C5orf34: variants seen among roughly 807,000 people sequenced by gnomAD.
C5orf34 encodes uncharacterized protein C5orf34.
Under a neutral mutation model 78.4 loss-of-function variants are expected in C5orf34, and 73 were observed. The observed-to-expected ratio is 0.93, with a 90% CI of 0.77 to 1.13. The LOEUF (loss-of-function observed/expected upper bound fraction) is 1.13. Ranked by LOEUF, C5orf34 falls within the 50% of genes most tolerant of loss-of-function variation. C5orf34 has a pLI of 0.00. For missense variants in C5orf34, 730 were observed against 732.7 expected (o/e 1.00, Z 0.04); for synonymous variants, 251 against 246.6 (o/e 1.02, Z -0.17).
rs892927523 is a variant in C5orf34, at chr5:43,493,763, A to G, written c.1245-151T>C. 1.8e-5 allele frequency: 10 copies of G among 551,398 alleles called. No homozygotes were observed. The East Asian group carries it at 1.9e-4, about 11-fold the overall frequency. 34.2% of individuals were successfully genotyped at this position (551,398 alleles called of 1,614,324 possible). On this transcript the variant is annotated intron_variant, in intron 7 of 12. Coordinates refer to ENST00000306862, the MANE Select transcript of C5orf34 (RefSeq NM_198566.4). ...ACTCTTTTTTTCTCCAGAAATCCTT[A>G]AGCCCCTAGAAGGGAAATACTGTTG...
At chr5:43,501,184 C>A (rs1466281978) in intron 6 of C5orf34, among the ~76,000 whole-genome samples, 3 of 152,228 alleles carry the variant, frequency 2.0e-5, no homozygotes, top group African/African-American at 7.2e-5. Flanking sequence ...ATTTTGCACA[C>A]CCTCTGATAT....
In C5orf34 at chr5:43,486,904, A is replaced by G. The variant is rs368191439; in HGVS notation, c.*11T>C. ...TTAAACTTTAATAATATGTTGTAAT[A>G]ATTCCATTTTTCACTTTTTAGAGTT... On this transcript the variant is annotated 3_prime_UTR_variant, in exon 13 of 13. Transcript: ENST00000306862. 4.1e-6 allele frequency: 6 copies of G among 1,470,892 alleles called. No homozygotes were observed. Among genetic ancestry groups the G allele is most frequent in the African/African-American group, 1.4e-5 (1 of 69,152 alleles). The allele number at this position is 1,470,892 out of a possible 1,614,324, so 91.1% of individuals were successfully genotyped here.
At chr5:43,496,571 AGTT>A (rs1235150652) in intron 6 of C5orf34, 1 of 741,744 alleles carries the variant, frequency 1.3e-6, no homozygotes, top group Non-Finnish European at 1.9e-6. Flanking sequence ...TTCATTCAAA[AGTT>A]TTTTTTAATT....
At position 43,505,861 on chromosome 5, in the gene C5orf34, T is replaced by C. The variant is rs1278788187; in HGVS notation, c.819A>G (p.Ala273=). 1 of 1,613,888 alleles carries C rather than the reference T, an allele frequency of 6.2e-7. No individual in the cohort carries two copies. Among genetic ancestry groups the C allele is most frequent in the Non-Finnish European group, 8.5e-7 (1 of 1,179,808 alleles). ...TTAAAAATCTACTCTGAGTTATATG[T>C]GCATCAATTTTAGACATATTGCTGA... ...NKISNMSKID[A]HITQSRFLTS... is the part of the protein sequence containing the mutation. Residue 273 remains alanine, a synonymous_variant, in exon 4 of 13, where the codon GCA becomes GCG. Transcript: ENST00000306862.
chr5:43,510,809 C>T (rs556064320), intron 1 of C5orf34, among the ~76,000 whole-genome samples: 4 of 152,340 alleles, frequency 2.6e-5, no homozygotes, highest in South Asian at 4.1e-4. Context: ...ACCTCCCAGC[C>T]GCCTGCCTTG....
intron 7 of C5orf34, among the ~76,000 whole-genome samples, chr5:43,493,945 T>C (rs1191200893): frequency 1.3e-5 from 2 of 152,172 alleles, no homozygotes; most frequent in Non-Finnish European, 1.5e-5. Flanking sequence ...GGTAGGGATG[T>C]GAATCAACTA....
chr5:43,496,026 C>A, intron 6 of C5orf34: 1 of 1,591,806 alleles, frequency 6.3e-7, no homozygotes, highest in Non-Finnish European at 8.5e-7. Context: ...AGTTGTTTCA[C>A]ACCCAGTGTG....
chr5:43,505,969 C>A lies in C5orf34; in HGVS notation c.711G>T (p.Trp237Cys), dbSNP rs1443522318. The A allele has an allele frequency of 8.1e-6, 13 of 1,614,036 alleles. No individual in the cohort carries two copies. Among genetic ancestry groups the A allele is most frequent in the Non-Finnish European group, 6.8e-6 (8 of 1,179,930 alleles). Residue 237 changes from tryptophan to cysteine, a missense_variant, in exon 4 of 13, where the codon TGG (tryptophan) becomes TGT (cysteine). Trp to Cys is a radical substitution (Grantham distance 215, BLOSUM62 -2). Transcript: ENST00000306862. ...CAGCCACAGACCAGCACTGCTTGAC[C>A]CATGTGTATACACATGTGTGCTTTG... ...PGTKHTCVYT[W>C]VKQCWSVAAC...
chr5:43,504,747 G>A (rs1316454200), intron 4 of C5orf34, among the ~76,000 whole-genome samples: 2 of 152,216 alleles, frequency 1.3e-5, no homozygotes, highest in Non-Finnish European at 2.9e-5. Context: ...GACCTGGTAA[G>A]CTATGTGAAG....
Position 43,506,320 on chromosome 5 carries a change from ACT to A in C5orf34, c.358_359del (p.Ser120TrpfsTer22). ...DTDGTMIYME[S>X]GIVKITSLDG... ...CTAAAGATGTTATCTTCACAATGCC[ACT>A]CTCCATATATATCATGGTACCATCT... On this transcript the variant is annotated frameshift_variant, in exon 4 of 13. Coordinates refer to ENST00000306862, the MANE Select transcript of C5orf34 (RefSeq NM_198566.4). LOFTEE classifies it high-confidence loss of function. The A allele has an allele frequency of 6.2e-7, 1 of 1,613,988 alleles. No individual in the cohort carries two copies. The highest frequency in any genetic ancestry group is 8.5e-7 in the Non-Finnish European group (1 of 1,179,998).
At position 43,492,876 on chromosome 5, in the gene C5orf34, A is replaced by G. The variant is rs10039298; in HGVS notation, c.1329T>C (p.Asn443=). Residue 443 remains asparagine (N), a synonymous_variant, in exon 9 of 13, where the codon AAT becomes AAC. Transcript: ENST00000306862. ...AAACCAAAGGCAGTATATTGCTATC[A>G]TTTATCCCAGGTACCTAAAACCAAG... ...ICCWKMVPGI[N]DSNILPLVLK... is the part of the protein sequence containing the mutation. 1,490 of 1,596,088 alleles carry G rather than the reference A, an allele frequency of 9.3e-4. 21 individuals carry two copies. In the African/African-American group the frequency reaches 0.018, roughly 19 times the overall value.
chr5:43,510,586 G>A (rs556099497), intron 1 of C5orf34, among the ~76,000 whole-genome samples: 1,865 of 152,192 alleles, frequency 0.012, 47 homozygotes, highest in African/African-American at 0.043. Context: ...GATTGCAGGC[G>A]CGCGCTGCCA....
chr5:43,508,994 T>A, intron 2 of C5orf34, 151 bp downstream of exon 2: 2 of 642,580 alleles, frequency 3.1e-6, no homozygotes, highest in Non-Finnish European at 2.7e-6. Context: ...AACTCCCTTG[T>A]AAAAGGAGGC....
chr5:43,507,550 C>T (rs546527592), intron 3 of C5orf34, among the ~76,000 whole-genome samples: 3 of 152,192 alleles, frequency 2.0e-5, no homozygotes, highest in African/African-American at 4.8e-5. Context: ...GGAAAATTAC[C>T]ATTCTAGGCT....
intron 6 of C5orf34, 85 bp downstream of exon 6, chr5:43,502,287 A>T (rs1745789355): frequency 7.2e-7 from 1 of 1,398,074 alleles, no homozygotes; most frequent in Non-Finnish European, 1.0e-6. Context: ...TTATATAATG[A>T]CCAAATTTCC....
chr5:43,501,901 T>C (rs987331767), intron 6 of C5orf34, among the ~76,000 whole-genome samples: 2 of 152,172 alleles, frequency 1.3e-5, no homozygotes, highest in Admixed American at 6.5e-5. Context: ...TATGGGCTGG[T>C]AATTATACCA....
At chr5:43,509,415 T>C in intron 1 of C5orf34, 40 bp from the exon 2 acceptor site, 1 of 1,199,970 alleles carries the variant, frequency 8.3e-7, no homozygotes, top group Non-Finnish European at 1.1e-6. Context: ...AATAGTTCTC[T>C]TAATGTACAA....
At chr5:43,514,702 G>T (rs935555084) in intron 1 of C5orf34, 104 bp downstream of exon 1, 1 of 152,132 alleles carries the variant, frequency 6.6e-6, no homozygotes, top group Non-Finnish European at 1.5e-5. Context: ...AAATCCACAA[G>T]TCTGTTCTTG....
chr5:43,494,647 G>A (rs1190179110), intron 6 of C5orf34, 46 bp from the exon 7 acceptor site: 2 of 1,230,456 alleles, frequency 1.6e-6, no homozygotes, highest in East Asian at 2.5e-5. Flanking sequence ...ATAAATTTTG[G>A]CCTTTATTAC....
Sources: allele counts gnomAD v4.1 joint callset (sites outside exome capture counted in the v4.1 genomes callset), GRCh38; gene constraint gnomAD v4.1.1; transcripts MANE v1.5; gene names NCBI Gene and HGNC (gene_info 2026-07-23, HGNC 2026-07-21).